Variants in ZNF90 observed in about 807,000 individuals in gnomAD.
The protein encoded by ZNF90 is zinc finger protein 90.
A neutral mutation model predicts 12.0 loss-of-function variants in ZNF90; 11 were observed. The observed-to-expected ratio is 0.92, with a 90% CI of 0.58 to 1.52. The LOEUF (loss-of-function observed/expected upper bound fraction) is 1.52. Among genes scored for constraint, ZNF90 ranks in the 40% most tolerant of loss-of-function variants. The pLI, the probability that ZNF90 is intolerant of heterozygous loss-of-function variation, is 0.00. For missense variants in ZNF90, 765 were observed against 711.5 expected (o/e 1.08, Z -0.86); for synonymous variants, 232 against 240.1 (o/e 0.97, Z 0.31).
At chr19:20,088,242 C>T (rs2088875529) in intron 1 of ZNF90, among the ~76,000 whole-genome samples, 1 of 151,554 alleles carries the variant, frequency 6.6e-6, no homozygotes, top group Non-Finnish European at 1.5e-5. Context: ...GGCGATGTTT[C>T]TCAGGGCTGC....
intron 1 of ZNF90, among the ~76,000 whole-genome samples, chr19:20,086,513 G>A (rs1555702083): frequency 6.6e-6 from 1 of 151,986 alleles, no homozygotes; most frequent in African/African-American, 2.4e-5. Flanking sequence ...TGGGATTACA[G>A]GGGTGAGCCA....
At chr19:20,101,584 C>G (rs1244823808) in intron 1 of ZNF90, among the ~76,000 whole-genome samples, 1 of 152,164 alleles carries the variant, frequency 6.6e-6, no homozygotes, top group Non-Finnish European at 1.5e-5. Flanking sequence ...GTTTTTGAAT[C>G]TCTTCTATTT....
chr19:20,080,467 G>A, intron 1 of ZNF90: 1 of 287,622 alleles, frequency 3.5e-6, no homozygotes. Flanking sequence ...TCATCCTTCT[G>A]CTTCTTGTGG....
rs782202886 is a variant in ZNF90, at chr19:20,105,306, C to T, written c.216C>T (p.Ala72=). ...CTGTGAAGAGACATGAGATGATTGC[C>T]AAATCCCCAGGTAGGTGCGAGTGAA... ...PFTVKRHEMI[A]KSPVMCFHFA... The change falls in exon 3 of 4, where the codon GCC becomes GCT. Residue 72 remains alanine (A), a synonymous_variant. Transcript: ENST00000418063. 13 of 1,605,288 alleles carry T rather than the reference C, an allele frequency of 8.1e-6. No homozygotes were observed. The highest frequency in any genetic ancestry group is 9.4e-6 in the Non-Finnish European group (11 of 1,175,370).
intron 1 of ZNF90, among the ~76,000 whole-genome samples, chr19:20,088,332 A>G (rs2088876504): frequency 6.6e-6 from 1 of 151,942 alleles, no homozygotes; most frequent in South Asian, 2.1e-4. Context: ...AAGGGGTGAT[A>G]TTGTGGGGAT....
chr19:20,078,239 T>C, intron 1 of ZNF90, 104 bp downstream of exon 1: 1 of 1,464,442 alleles, frequency 6.8e-7, no homozygotes, highest in South Asian at 1.2e-5. Flanking sequence ...AGCTCCACAA[T>C]CTGCGACCGA....
intron 1 of ZNF90, among the ~76,000 whole-genome samples, chr19:20,091,430 G>T (rs1195382787): frequency 1.1e-4 from 17 of 152,332 alleles, no homozygotes; most frequent in Non-Finnish European, 2.2e-4. Flanking sequence ...GGCCTGTGAG[G>T]CTGGAAGAAG....
chr19:20,081,908 G>T (rs1210520583), intron 1 of ZNF90, among the ~76,000 whole-genome samples: 1 of 151,870 alleles, frequency 6.6e-6, no homozygotes, highest in Non-Finnish European at 1.5e-5. Flanking sequence ...GGGACTACAG[G>T]CACGTGCCAC....
intron 1 of ZNF90, among the ~76,000 whole-genome samples, chr19:20,081,782 T>G (rs2088821719): frequency 6.6e-6 from 1 of 151,280 alleles, no homozygotes; most frequent in Admixed American, 6.6e-5. Context: ...TTTTTTTTTT[T>G]GAGATGGCGT....
chr19:20,104,124 G>A, intron 1 of ZNF90, 115 bp from the exon 2 acceptor site: 1 of 1,452,446 alleles, frequency 6.9e-7, no homozygotes, highest in African/African-American at 1.4e-5. Context: ...AATTTAGTGA[G>A]TCTTGTAAGT....
chr19:20,102,624 T>C (rs1033042894), intron 1 of ZNF90, among the ~76,000 whole-genome samples: 1 of 152,202 alleles, frequency 6.6e-6, no homozygotes, highest in East Asian at 1.9e-4. Flanking sequence ...TCTGAGCAAT[T>C]GTTTCCAACA....
At chr19:20,098,060 A>G (rs2088962302) in intron 1 of ZNF90, among the ~76,000 whole-genome samples, 1 of 152,052 alleles carries the variant, frequency 6.6e-6, no homozygotes, top group Admixed American at 6.6e-5. Flanking sequence ...TAATCCATAA[A>G]CTTGACCCAA....
chr19:20,109,734 C>T (rs943655871), intron 3 of ZNF90, among the ~76,000 whole-genome samples: 97 of 151,610 alleles, frequency 6.4e-4, no homozygotes, highest in African/African-American at 2.3e-3. Context: ...TAATAATAGC[C>T]AGGCATGGTG....
At chr19:20,104,469 T>A in intron 2 of ZNF90, 104 bp downstream of exon 2, 1 of 1,290,940 alleles carries the variant, frequency 7.7e-7, no homozygotes, top group South Asian at 1.8e-5. Flanking sequence ...TAAGAGAGTT[T>A]TAGATCCCCC....
Position 20,119,405 on chromosome 19 carries a change from G to C in ZNF90, c.*45G>C. ...TAAACATAAGATAATTCATACTGGA[G>C]AGAAACCGTATAAATGTGATGACTG... On this transcript the variant is annotated 3_prime_UTR_variant, in exon 4 of 4. Transcript: ENST00000418063. 6.7e-7 allele frequency: 1 copy of C among 1,494,622 alleles called. No individual in the cohort carries two copies. Among genetic ancestry groups the C allele is most frequent in the South Asian group, 1.3e-5 (1 of 77,050 alleles). 92.6% of individuals were successfully genotyped at this position (1,494,622 alleles called of 1,614,324 possible).
chr19:20,085,398 T>A (rs2088851660), intron 1 of ZNF90, among the ~76,000 whole-genome samples: 1 of 151,914 alleles, frequency 6.6e-6, no homozygotes, highest in African/African-American at 2.4e-5. Flanking sequence ...TAGCTGGGAC[T>A]ACAGGTGCCT....
chr19:20,086,704 A>G (rs1221636435), intron 1 of ZNF90, among the ~76,000 whole-genome samples: 1 of 152,234 alleles, frequency 6.6e-6, no homozygotes, highest in Non-Finnish European at 1.5e-5. Context: ...TATACATACT[A>G]TATACATTAT....
chr19:20,110,945 A>G (rs2089083646), intron 3 of ZNF90, among the ~76,000 whole-genome samples: 1 of 152,074 alleles, frequency 6.6e-6, no homozygotes, highest in South Asian at 2.1e-4. Flanking sequence ...GTAATTTGCA[A>G]ATGTTTTCAC....
chr19:20,101,750 GAGA>G (rs1345653076), intron 1 of ZNF90, among the ~76,000 whole-genome samples: 4 of 152,050 alleles, frequency 2.6e-5, no homozygotes, highest in African/African-American at 9.7e-5. Context: ...AGGAATTCCA[GAGA>G]AGGAGGAGAA....
Sources: gnomAD v4.1 joint callset for allele counts (sites outside exome capture counted in the v4.1 genomes callset) on GRCh38, gnomAD v4.1.1 for gene constraint, MANE v1.5 for transcripts, NCBI Gene and HGNC (gene_info 2026-07-23, HGNC 2026-07-21) for gene names.